Variants in NID1 observed in about 807,000 individuals in gnomAD.
NID1 encodes nidogen-1.
In NID1, 76 loss-of-function variants were observed where a neutral mutation model predicts 130.6. The ratio of observed to expected loss-of-function variants is 0.58; its 90% CI spans 0.48 to 0.70. NID1 has a LOEUF of 0.70. NID1 is among the 30% of genes least tolerant of loss of function. The pLI, the probability that NID1 is intolerant of heterozygous loss-of-function variation, is 0.00. For missense variants in NID1, 1,517 were observed against 1,664.8 expected (o/e 0.91, Z 1.54); for synonymous variants, 665 against 675.1 (o/e 0.98, Z 0.23).
intron 12 of NID1, among the ~76,000 whole-genome samples, chr1:236,005,582 T>G (rs1317591383): frequency 1.3e-5 from 2 of 152,212 alleles, no homozygotes; most frequent in African/African-American, 4.8e-5. Context: ...GCTATATAAG[T>G]GTTAGCTATT....
chr1:236,032,250 G>C, intron 6 of NID1, 151 bp downstream of exon 6: 1 of 885,690 alleles, frequency 1.1e-6, no homozygotes, highest in Non-Finnish European at 1.7e-6. Context: ...TTCCAAGACA[G>C]AACTACAGGA....
Position 235,977,912 on chromosome 1 carries a change from A to G in NID1, c.3699T>C (p.Arg1233=). 1.2e-6 allele frequency: 2 copies of G among 1,614,218 alleles called. No homozygotes were observed. Among genetic ancestry groups the G allele is most frequent in the Non-Finnish European group, 1.7e-6 (2 of 1,180,022 alleles). ...CLATPGSRTC[R]CPDNTLGVDC... The stretch of plus-strand genomic sequence containing the variant: ...CAACTCCCAAGGTGTTGTCAGGGCA[A>G]CGGCAGGTCCTGCTCCCTGGGGTGG... The change falls in exon 20 of 20, where the codon CGT becomes CGC. Residue 1233 remains arginine (R), a synonymous_variant. Transcript: ENST00000264187.
At chr1:235,985,294 C>A (rs1217650430) in intron 15 of NID1, 85 bp downstream of exon 15, 1 of 1,434,440 alleles carries the variant, frequency 7.0e-7, no homozygotes, top group Non-Finnish European at 9.8e-7. Flanking sequence ...AGTTTGGCTT[C>A]ATTTGCTGTT....
chr1:236,004,696 A>G (rs1440784022), intron 12 of NID1, among the ~76,000 whole-genome samples: 4 of 138,710 alleles, frequency 2.9e-5, no homozygotes, highest in African/African-American at 5.4e-5. Context: ...CGGGAGGCGG[A>G]GCTTGCAGTG....
At chr1:235,984,477 A>G (rs1380223766) in intron 15 of NID1, among the ~76,000 whole-genome samples, 1 of 152,220 alleles carries the variant, frequency 6.6e-6, no homozygotes, top group Non-Finnish European at 1.5e-5. Context: ...TGAGGGAAAC[A>G]TTCCATTGAA....
At chr1:236,046,969 G>A (rs1347847801) in intron 2 of NID1, among the ~76,000 whole-genome samples, 1 of 152,188 alleles carries the variant, frequency 6.6e-6, no homozygotes, top group Non-Finnish European at 1.5e-5. Flanking sequence ...CGGCAAGGCT[G>A]GAATGGTGGC....
intron 9 of NID1, among the ~76,000 whole-genome samples, chr1:236,022,072 C>G (rs1658782135): frequency 6.6e-6 from 1 of 151,944 alleles, no homozygotes; most frequent in Non-Finnish European, 1.5e-5. Context: ...GAGTTTGAGA[C>G]CAGCCTGGGC....
intron 5 of NID1, among the ~76,000 whole-genome samples, chr1:236,033,321 G>A (rs903838779): frequency 6.6e-6 from 1 of 152,150 alleles, no homozygotes; most frequent in African/African-American, 2.4e-5. Context: ...AAGAGAGAGA[G>A]AGAGTAAAAG....
In NID1 at chr1:236,055,696, T is replaced by C. The variant is rs148952523; in HGVS notation, c.226-6707A>G. On this transcript the variant is annotated intron_variant, in intron 1 of 19. Transcript: ENST00000264187. ...AAAAAAAAACATACAACAAACCTGA[T>C]TGATCTGAAGTTCAGCAAAGAAAGG... Among the ~76,000 whole-genome samples the C allele has an allele frequency of 5.3e-5, 8 of 151,894 alleles. 1 individual carries two copies. Among genetic ancestry groups the C allele is most frequent in the African/African-American group, 1.7e-4 (7 of 41,460 alleles).
intron 17 of NID1, among the ~76,000 whole-genome samples, chr1:235,980,225 G>A (rs944248201): frequency 2.6e-5 from 4 of 152,160 alleles, no homozygotes; most frequent in Non-Finnish European, 4.4e-5. Flanking sequence ...CTTACAACAC[G>A]AGGGTGGCCA....
chr1:236,014,522 C>T (rs1167398380), intron 10 of NID1, among the ~76,000 whole-genome samples: 1 of 152,160 alleles, frequency 6.6e-6, no homozygotes, highest in Non-Finnish European at 1.5e-5. Flanking sequence ...CTTGAGGCAA[C>T]AGCACAAGAT....
At position 236,038,268 on chromosome 1, in the gene NID1, C is replaced by G; in HGVS notation, c.1136-15G>C. ...ATAGCTGAAAACTGGTCCAAGAAAACAATTGCACACCTGTAAGCATTTCAT... is the reference window on the plus strand; with the variant it reads ...ATAGCTGAAAACTGGTCCAAGAAAAGAATTGCACACCTGTAAGCATTTCAT... On this transcript the variant is annotated splice_polypyrimidine_tract_variant and intron_variant, in intron 4 of 19. Transcript: ENST00000264187. The G allele has an allele frequency of 6.2e-7, 1 of 1,610,426 alleles. No homozygotes were observed. Among genetic ancestry groups the G allele is most frequent in the Non-Finnish European group, 8.5e-7 (1 of 1,177,334 alleles).
At chr1:236,018,917 C>G (rs964153241) in intron 9 of NID1, among the ~76,000 whole-genome samples, 1 of 152,180 alleles carries the variant, frequency 6.6e-6, no homozygotes. Flanking sequence ...TCTAGCCAGG[C>G]CTTTATTGGT....
At chr1:236,053,234 G>A (rs1250858516) in intron 1 of NID1, among the ~76,000 whole-genome samples, 1 of 152,126 alleles carries the variant, frequency 6.6e-6, no homozygotes, top group African/African-American at 2.4e-5. Context: ...TTTAATACTA[G>A]AAGTGTTTTG....
At chr1:236,015,882 C>A (rs1658582311) in intron 10 of NID1, among the ~76,000 whole-genome samples, 1 of 152,056 alleles carries the variant, frequency 6.6e-6, no homozygotes, top group South Asian at 2.1e-4. Context: ...CAGCACCTGT[C>A]TTGCATCCCA....
intron 14 of NID1, among the ~76,000 whole-genome samples, chr1:235,990,613 CA>C: frequency 6.6e-6 from 1 of 152,210 alleles, no homozygotes. Context: ...CTAAAAACTC[CA>C]ATGCTTGTTG....
chr1:235,980,010 A>C (rs1343705587), intron 17 of NID1, 65 bp from the exon 18 acceptor site: 15 of 1,581,798 alleles, frequency 9.5e-6, no homozygotes, highest in Non-Finnish European at 6.1e-6. Context: ...TGCAAAAAAA[A>C]CAAGAGTAAT....
intron 9 of NID1, among the ~76,000 whole-genome samples, chr1:236,018,074 T>C (rs1286037120): frequency 6.6e-6 from 1 of 152,244 alleles, no homozygotes. Context: ...CTTAATGGAC[T>C]AAAAGGGAAG....
Position 235,979,783 on chromosome 1 carries a change from G to C in NID1, c.3509+39C>G, listed in dbSNP as rs1426013813. On this transcript the variant is annotated intron_variant, in intron 18 of 19. Coordinates refer to ENST00000264187, the MANE Select transcript of NID1 (RefSeq NM_002508.3). The surrounding 1 kb of genome is among the most constrained non-coding windows in gnomAD (Gnocchi z 4.6). The stretch of plus-strand genomic sequence containing the variant: ...GCCTCCCAGAGACAGTGGGTGGAGG[G>C]GCAGGCCCACGCAGCCCCCATGGCT... 1.2e-6 allele frequency: 2 copies of C among 1,608,364 alleles called. No individual in the cohort carries two copies. The highest frequency in any genetic ancestry group is 4.5e-5 in the East Asian group (2 of 44,588).
Sources: allele counts gnomAD v4.1 joint callset (sites outside exome capture counted in the v4.1 genomes callset), GRCh38; gene constraint gnomAD v4.1.1; non-coding constraint Gnocchi (gnomAD v3.1); transcripts MANE v1.5; gene names NCBI Gene and HGNC (gene_info 2026-07-23, HGNC 2026-07-21).